CBL: variants seen among roughly 807,000 people sequenced by gnomAD.
The protein encoded by CBL is E3 ubiquitin-protein ligase CBL.
In CBL, 45 loss-of-function variants were observed where a neutral mutation model predicts 96.9. The ratio of observed to expected loss-of-function variants is 0.46; its 90% CI spans 0.37 to 0.60. The LOEUF is 0.60. Among genes scored for constraint, CBL ranks in the 20% least tolerant of loss-of-function variants. CBL has a pLI of 0.00. For synonymous variants in CBL, 420 were observed against 426.8 expected (o/e 0.98, Z 0.20); for missense variants, 1,024 against 1,143.5 (o/e 0.90, Z 1.51).
intron 12 of CBL, among the ~76,000 whole-genome samples, chr11:119,291,525 C>T (rs967985725): frequency 6.6e-6 from 1 of 152,086 alleles, no homozygotes; most frequent in African/African-American, 2.4e-5. Flanking sequence ...AGTAACATGG[C>T]GAAACCCTAT....
At chr11:119,215,634 G>C (rs1949354021) in intron 1 of CBL, among the ~76,000 whole-genome samples, 1 of 151,190 alleles carries the variant, frequency 6.6e-6, no homozygotes, top group Non-Finnish European at 1.5e-5. Flanking sequence ...TCACGCCATT[G>C]CACTACATTC....
At chr11:119,238,338 T>C (rs1361340640) in intron 2 of CBL, among the ~76,000 whole-genome samples, 1 of 151,698 alleles carries the variant, frequency 6.6e-6, no homozygotes, top group Non-Finnish European at 1.5e-5. Flanking sequence ...GCCTCCTGAG[T>C]AGCTGGGATT....
chr11:119,287,970 T>C (rs1251391165), intron 12 of CBL, 24 bp downstream of exon 12: 1 of 1,496,200 alleles, frequency 6.7e-7, no homozygotes, highest in African/African-American at 1.4e-5. Context: ...AGCTATATTT[T>C]GTACAGTGGA....
At chr11:119,269,768 G>C (rs548348801) in intron 2 of CBL, among the ~76,000 whole-genome samples, 4 of 152,232 alleles carry the variant, frequency 2.6e-5, no homozygotes, top group South Asian at 2.1e-4. Flanking sequence ...GGCCGAGGCA[G>C]GCAGATCACG....
rs118147684 is a variant in CBL at position 119,248,930 on chromosome 11, A to T, written c.443+16235A>T. 2.7e-3 allele frequency among the ~76,000 whole-genome samples: 406 copies of T among 152,358 alleles called. 18 individuals are homozygous for T. In the East Asian group the frequency reaches 0.077, roughly 29 times the overall value. On this transcript the variant is annotated intron_variant, in intron 2 of 15. Coordinates refer to ENST00000264033, the MANE Select transcript of CBL (RefSeq NM_005188.4). ...AAATGCAAATCAAAACCACAATGAG[A>T]TACCACTTCACAGCTGTTAGGTGGA...
chr11:119,209,611 C>T (rs1253375511), intron 1 of CBL, among the ~76,000 whole-genome samples: 14 of 150,328 alleles, frequency 9.3e-5, no homozygotes, highest in Admixed American at 8.6e-4. Flanking sequence ...AGTGAGACTC[C>T]GTCTCAAAAA....
At chr11:119,238,257 G>A (rs1180499953) in intron 2 of CBL, among the ~76,000 whole-genome samples, 5 of 148,764 alleles carry the variant, frequency 3.4e-5, no homozygotes, top group East Asian at 2.0e-4. Flanking sequence ...GTCTTGCTCC[G>A]TCACCCAGGC....
intron 2 of CBL, among the ~76,000 whole-genome samples, chr11:119,256,711 C>T (rs1033795322): frequency 2.7e-5 from 4 of 149,898 alleles, no homozygotes; most frequent in Admixed American, 2.6e-4. Flanking sequence ...TAATCCCTCC[C>T]TGCCCTCCCA....
At position 119,302,557 on chromosome 11, in the gene CBL, G is replaced by T. The variant is rs1591272718; in HGVS notation, c.*2776G>T. 5 of 232,378 alleles carry T rather than the reference G, an allele frequency of 2.2e-5. No individual in the cohort carries two copies. The East Asian group carries it at 3.0e-4, about 14-fold the overall frequency. 14.4% of individuals were successfully genotyped at this position (232,378 alleles called of 1,614,324 possible). A position where few individuals can be genotyped will look rare whatever the true frequency, so the allele number is the denominator to read the frequency against. The stretch of plus-strand genomic sequence containing the variant: ...AAAGTAAAAAAACCCACACTACTTT[G>T]TTCTCTTTTTCTCATATTCATTGGG... On this transcript the variant is annotated 3_prime_UTR_variant, in exon 16 of 16. Transcript: ENST00000264033.
chr11:119,283,465 G>A (rs901071961), intron 9 of CBL, among the ~76,000 whole-genome samples: 1 of 151,618 alleles, frequency 6.6e-6, no homozygotes, highest in Non-Finnish European at 1.5e-5. Flanking sequence ...GAATTACTGT[G>A]TATCTCTTGA....
At chr11:119,209,244 A>G (rs1369127829) in intron 1 of CBL, among the ~76,000 whole-genome samples, 1 of 152,154 alleles carries the variant, frequency 6.6e-6, no homozygotes, top group Non-Finnish European at 1.5e-5. Flanking sequence ...ATGTGTCACC[A>G]CACCTTGACT....
Position 119,300,208 on chromosome 11 carries a change from G to A in CBL, c.*427G>A, listed in dbSNP as rs1950092260. The A allele has an allele frequency of 2.1e-6, 1 of 468,556 alleles. No homozygotes were observed. The highest frequency in any genetic ancestry group is 3.7e-6 in the Non-Finnish European group (1 of 268,172). 29.0% of individuals were successfully genotyped at this position (468,556 alleles called of 1,614,324 possible). ...TGATTATAAGATTAACCTGCTGTGT[G>A]TGTTAATTCCAGGCAGGGAATTAGC... On this transcript the variant is annotated 3_prime_UTR_variant, in exon 16 of 16. Transcript: ENST00000264033.
chr11:119,266,790 C>T (rs1189455880), intron 2 of CBL, among the ~76,000 whole-genome samples: 1 of 152,162 alleles, frequency 6.6e-6, no homozygotes, highest in African/African-American at 2.4e-5. Context: ...CGAATGACCT[C>T]CTTCCTCAGC....
At chr11:119,296,157 G>A (rs578114381) in intron 12 of CBL, among the ~76,000 whole-genome samples, 28 of 152,262 alleles carry the variant, frequency 1.8e-4, no homozygotes, top group African/African-American at 6.5e-4. Context: ...GCAGACAAAC[G>A]AAAGAGATGC....
intron 2 of CBL, among the ~76,000 whole-genome samples, chr11:119,259,309 G>A (rs529241886): frequency 1.3e-4 from 20 of 152,124 alleles, no homozygotes; most frequent in Non-Finnish European, 2.5e-4. Flanking sequence ...GGGTAAGTTG[G>A]TAGTCTTATG....
chr11:119,288,560 A>G (rs901804549), intron 12 of CBL, among the ~76,000 whole-genome samples: 1 of 152,030 alleles, frequency 6.6e-6, no homozygotes, highest in Non-Finnish European at 1.5e-5. Flanking sequence ...TCCTATTCTT[A>G]TGACTTCATT....
intron 2 of CBL, among the ~76,000 whole-genome samples, chr11:119,269,228 T>G (rs919923115): frequency 6.6e-6 from 1 of 151,608 alleles, no homozygotes; most frequent in African/African-American, 2.4e-5. Flanking sequence ...TTAATGGACT[T>G]TAAAGATTGG....
chr11:119,283,625 C>CTTTCTTTT (rs1949955222), intron 9 of CBL, among the ~76,000 whole-genome samples: 3 of 45,526 alleles, frequency 6.6e-5, no homozygotes, highest in African/African-American at 2.3e-4. Flanking sequence ...TTAATTCTTT[C>CTTTCTTTT]TTTTTTTTTT....
chr11:119,240,170 C>G (rs958764289), intron 2 of CBL, among the ~76,000 whole-genome samples: 1 of 152,028 alleles, frequency 6.6e-6, no homozygotes, highest in Non-Finnish European at 1.5e-5. Context: ...TGGCATATAC[C>G]TGTAATCCCA....
Sources: allele counts gnomAD v4.1 joint callset (sites outside exome capture counted in the v4.1 genomes callset), GRCh38; gene constraint gnomAD v4.1.1; transcripts MANE v1.5; gene names NCBI Gene and HGNC (gene_info 2026-07-23, HGNC 2026-07-21).